Variants in GAPVD1 observed in about 807,000 individuals in gnomAD.
GAPVD1 encodes the protein GTPase-activating protein and VPS9 domain-containing protein 1.
A neutral mutation model predicts 155.5 loss-of-function variants in GAPVD1; 35 were observed. The observed-to-expected ratio is 0.23, with a 90% CI of 0.17 to 0.30. The LOEUF (loss-of-function observed/expected upper bound fraction) is 0.30. GAPVD1 is among the 10% of genes least tolerant of loss of function. The probability of loss-of-function intolerance (pLI) is 1.00; values close to 1 mark genes in which losing one functional copy is unlikely to be tolerated. For missense variants in GAPVD1, 1,429 were observed against 1,775.7 expected, an observed-to-expected ratio of 0.80 and a Z score of 3.51; for synonymous variants, 636 against 619.7, an observed-to-expected ratio of 1.03 and a Z score of -0.39.
chr9:125,290,852 G>C (rs571033541), intron 2 of GAPVD1, among the ~76,000 whole-genome samples: 1 of 151,416 alleles, frequency 6.6e-6, no homozygotes, highest in South Asian at 2.1e-4. Flanking sequence ...AATTTAGCTG[G>C]ATGTGGTGGT....
chr9:125,296,743 CCT>C (rs759582233), intron 3 of GAPVD1, among the ~76,000 whole-genome samples: 59 of 150,700 alleles, frequency 3.9e-4, no homozygotes, highest in Non-Finnish European at 6.2e-4. Flanking sequence ...CTCACTGCAA[CCT>C]CTGCCTCCTG....
chr9:125,279,494 C>A (rs560380955), intron 2 of GAPVD1, among the ~76,000 whole-genome samples: 7 of 150,930 alleles, frequency 4.6e-5, no homozygotes, highest in African/African-American at 1.7e-4. Flanking sequence ...TCACTTGAAC[C>A]CAGGAGGCGG....
intron 2 of GAPVD1, among the ~76,000 whole-genome samples, chr9:125,286,920 C>G (rs1424496310): frequency 3.9e-5 from 6 of 151,960 alleles, no homozygotes; most frequent in Admixed American, 2.0e-4. Context: ...CCCGTCTCTA[C>G]TAAAAATACA....
At chr9:125,293,110 A>G (rs1385359490) in intron 2 of GAPVD1, among the ~76,000 whole-genome samples, 4 of 152,300 alleles carry the variant, frequency 2.6e-5, no homozygotes, top group Admixed American at 1.3e-4. Flanking sequence ...GAAAGGACCA[A>G]TGTGAGAGTA....
At chr9:125,282,518 C>T (rs1391663514) in intron 2 of GAPVD1, among the ~76,000 whole-genome samples, 1 of 152,222 alleles carries the variant, frequency 6.6e-6, no homozygotes, top group East Asian at 1.9e-4. Flanking sequence ...GTCTGTTTTA[C>T]CTCTTTAGTT....
chr9:125,288,137 A>C lies in GAPVD1; in HGVS notation c.-149-7321A>C, dbSNP rs1254742348. Reference sequence around the variant, plus strand: ...ATTTTTTTTTTTTTTTTTGAGACGGAGTCTCACTCTGTCGCCCAGGCTGGA... The same window carrying C: ...ATTTTTTTTTTTTTTTTTGAGACGGCGTCTCACTCTGTCGCCCAGGCTGGA... On this transcript the variant is annotated intron_variant, in intron 2 of 27. Coordinates refer to ENST00000297933, the MANE Select transcript of GAPVD1 (RefSeq NM_001282680.3). Among the ~76,000 whole-genome samples, 36 of 139,512 alleles carry C rather than the reference A, an allele frequency of 2.6e-4. No individual in the cohort carries two copies. In the Admixed American group the frequency reaches 2.7e-3, roughly 10 times the overall value. The allele number at this position is 139,512 out of a possible 152,430, so 91.5% of individuals were successfully genotyped here.
chr9:125,303,269 T>C (rs948672039), intron 5 of GAPVD1, among the ~76,000 whole-genome samples: 1 of 151,584 alleles, frequency 6.6e-6, no homozygotes, highest in African/African-American at 2.4e-5. Flanking sequence ...TCCGCCCACC[T>C]CGGCTTCCCA....
intron 9 of GAPVD1, among the ~76,000 whole-genome samples, chr9:125,317,375 C>T (rs1200705625): frequency 5.9e-5 from 9 of 151,362 alleles, no homozygotes; most frequent in East Asian, 1.9e-4. Flanking sequence ...CCTGTAATCC[C>T]AGCACTCTGG....
Position 125,330,118 on chromosome 9 carries a change from C to G in GAPVD1, c.2073C>G (p.Leu691=), listed in dbSNP as rs1164438821. ...AENMLGSLLC[L]PGSGSVLLDP... is the part of the protein sequence containing the mutation. ...ACATGTTAGGCAGTTTGCTGTGCCT[C>G]CCAGGTTCAGGGTCAGTGCTTCTTG... The change falls in exon 13 of 28, where the codon CTC becomes CTG. Residue 691 remains leucine, a synonymous_variant. Transcript: ENST00000297933. 1 of 1,612,304 alleles carries G rather than the reference C, an allele frequency of 6.2e-7. No individual in the cohort carries two copies. Among genetic ancestry groups the G allele is most frequent in the African/African-American group, 1.3e-5 (1 of 74,878 alleles).
chr9:125,278,345 A>G (rs566771685), intron 2 of GAPVD1, among the ~76,000 whole-genome samples: 5 of 151,938 alleles, frequency 3.3e-5, no homozygotes, highest in Admixed American at 6.6e-5. Flanking sequence ...ACATGGTGAA[A>G]CCCTGTCTCT....
intron 2 of GAPVD1, among the ~76,000 whole-genome samples, chr9:125,273,780 C>T (rs1316025378): frequency 2.0e-5 from 3 of 152,024 alleles, no homozygotes. Context: ...TGTTTCTGCT[C>T]CTGTGGCCTC....
At chr9:125,292,368 A>AAGACTAAACTAAG (rs1838747730) in intron 2 of GAPVD1, among the ~76,000 whole-genome samples, 1 of 152,080 alleles carries the variant, frequency 6.6e-6, no homozygotes, top group East Asian at 1.9e-4. Context: ...AATAAAGGGC[A>AAGACTAAACTAAG]GACTAAACTA....
chr9:125,263,868 G>A (rs2131575488), intron 1 of GAPVD1: 9 of 1,369,144 alleles, frequency 6.6e-6, no homozygotes, highest in South Asian at 1.2e-5. Context: ...AGGTAATCCC[G>A]GAGATACTGG....
At chr9:125,332,901 A>G (rs1846288756) in intron 15 of GAPVD1, among the ~76,000 whole-genome samples, 1 of 152,264 alleles carries the variant, frequency 6.6e-6, no homozygotes, top group East Asian at 1.9e-4. Flanking sequence ...AGAAAACTAG[A>G]AATAACTTAA....
chr9:125,293,393 G>A (rs917710421), intron 2 of GAPVD1, among the ~76,000 whole-genome samples: 3 of 150,686 alleles, frequency 2.0e-5, no homozygotes, highest in Non-Finnish European at 1.5e-5. Context: ...GTTCTGTATT[G>A]TCAGTGCCTG....
At position 125,342,237 on chromosome 9, in the gene GAPVD1, A is replaced by G; in HGVS notation, c.2984A>G (p.Lys995Arg). ...AMPKAPIPFR[K>R]KEKQEKDKDD... The stretch of plus-strand genomic sequence containing the variant: ...TTTCCAGCTCCTATACCATTTAGAA[A>G]GAAAGAAAAACAAGAAAAAGACAAA... The change falls in exon 19 of 28, where the codon AAG becomes AGG. Residue 995 changes from lysine to arginine, a missense_variant. Transcript: ENST00000297933. The G allele has an allele frequency of 1.3e-6, 2 of 1,580,320 alleles. No homozygotes were observed. The highest frequency in any genetic ancestry group is 1.7e-6 in the Non-Finnish European group (2 of 1,149,192).
At chr9:125,309,721 G>A (rs1842380972) in intron 8 of GAPVD1, among the ~76,000 whole-genome samples, 1 of 152,140 alleles carries the variant, frequency 6.6e-6, no homozygotes. Flanking sequence ...TTTCTCCATT[G>A]TTGACTGCTA....
Position 125,342,111 on chromosome 9 carries a change from C to G in GAPVD1, c.2966-108C>G. 6.3e-6 allele frequency: 4 copies of G among 633,272 alleles called. No individual in the cohort carries two copies. In the East Asian group the frequency reaches 1.1e-4, roughly 17 times the overall value. The allele number at this position is 633,272 out of a possible 1,614,324, so 39.2% of individuals were successfully genotyped here. On this transcript the variant is annotated intron_variant, in intron 18 of 27. Transcript: ENST00000297933. ...TCAGTCAACACTTGGAATTTCTTAGCTTTTAAACTTTTCAGCCTCCTTTCA... is the reference window on the plus strand; with the variant it reads ...TCAGTCAACACTTGGAATTTCTTAGGTTTTAAACTTTTCAGCCTCCTTTCA...
intron 2 of GAPVD1, among the ~76,000 whole-genome samples, chr9:125,280,396 C>CAAAAAAAAAAAAAAAAAAAAAAA (rs750354567): frequency 1.7e-5 from 1 of 57,340 alleles, no homozygotes; most frequent in Non-Finnish European, 3.1e-5. Flanking sequence ...AAGTCCATCT[C>CAAAAAAAAAAAAAAAAAAAAAAA]AAAAAAAAAA....
Sources: gnomAD v4.1 joint callset for allele counts (sites outside exome capture counted in the v4.1 genomes callset) on GRCh38, gnomAD v4.1.1 for gene constraint, MANE v1.5 for transcripts, NCBI Gene and HGNC (gene_info 2026-07-23, HGNC 2026-07-21) for gene names.